MARCHF3: variants seen among roughly 807,000 people sequenced by gnomAD.
MARCHF3 encodes E3 ubiquitin-protein ligase MARCHF3.
MARCHF3 carries 13 observed loss-of-function variants against 24.2 expected under a neutral mutation model. The ratio of observed to expected loss-of-function variants is 0.54; its 90% CI spans 0.35 to 0.85. The LOEUF (loss-of-function observed/expected upper bound fraction) is 0.85. Among genes scored for constraint, MARCHF3 ranks in the 40% least tolerant of loss-of-function variants. MARCHF3 has a pLI of 0.01. For synonymous variants in MARCHF3, 144 were observed against 137.3 expected (o/e 1.05, Z -0.34); for missense variants, 276 against 325.0 (o/e 0.85, Z 1.16).
In MARCHF3 at chr5:126,878,356, A is replaced by G; in HGVS notation, c.432T>C (p.Thr144=). Residue 144 remains threonine, a synonymous_variant, in exon 4 of 5, where the codon ACT becomes ACC. Coordinates refer to ENST00000308660, the MANE Select transcript of MARCHF3 (RefSeq NM_178450.5). ...RNPGPQHEKR[T]LFGDMVCFLF... ...AGAAGCACACCATGTCGCCAAACAG[A>G]GTCCGCTTCTCATGCTGGGGGCCAG... The G allele has an allele frequency of 6.2e-7, 1 of 1,614,128 alleles. No individual in the cohort carries two copies. The highest frequency in any genetic ancestry group is 8.5e-7 in the Non-Finnish European group (1 of 1,179,982).
chr5:126,903,145 T>C (rs1351682139), intron 3 of MARCHF3, among the ~76,000 whole-genome samples: 1 of 151,974 alleles, frequency 6.6e-6, no homozygotes, highest in Admixed American at 6.6e-5. Context: ...GATGAGGTGT[T>C]GGTAGAAAGA....
chr5:126,974,389 CCA>C (rs1751123541), intron 1 of MARCHF3, among the ~76,000 whole-genome samples: 1 of 152,194 alleles, frequency 6.6e-6, no homozygotes, highest in Non-Finnish European at 1.5e-5. Flanking sequence ...AGAAGCCTCC[CCA>C]GTGTGTCCTA....
In MARCHF3 at chr5:126,894,906, T is replaced by C. The variant is rs1455587041; in HGVS notation, c.394-16512A>G. The stretch of plus-strand genomic sequence containing the variant: ...CCTGGATAATATCCTGCAGAGTGTT[T>C]TCCAACTTGGTTCCATTCTCCCCAT... On this transcript the variant is annotated intron_variant, in intron 3 of 4. Transcript: ENST00000308660. Among the ~76,000 whole-genome samples, 25 of 152,066 alleles carry C rather than the reference T, an allele frequency of 1.6e-4. No homozygotes were observed. In the East Asian group the frequency reaches 4.8e-3, roughly 29 times the overall value.
chr5:126,924,911 G>A (rs977545335), intron 1 of MARCHF3, among the ~76,000 whole-genome samples: 3 of 152,132 alleles, frequency 2.0e-5, no homozygotes, highest in African/African-American at 7.2e-5. Flanking sequence ...TTTCTTTTCT[G>A]GATGCTTCAC....
At chr5:126,954,720 A>G (rs574450433) in intron 1 of MARCHF3, among the ~76,000 whole-genome samples, 5 of 149,234 alleles carry the variant, frequency 3.4e-5, no homozygotes, top group African/African-American at 1.2e-4. Flanking sequence ...GAGCGCACTC[A>G]TGCATTTACA....
At chr5:126,883,283 C>G (rs1045304189) in intron 3 of MARCHF3, among the ~76,000 whole-genome samples, 1 of 152,164 alleles carries the variant, frequency 6.6e-6, no homozygotes, top group Non-Finnish European at 1.5e-5. Context: ...TGGATCCACT[C>G]ATATGGCTGC....
At chr5:126,901,125 TCTG>T (rs1356465587) in intron 3 of MARCHF3, among the ~76,000 whole-genome samples, 1 of 152,106 alleles carries the variant, frequency 6.6e-6, no homozygotes, top group Non-Finnish European at 1.5e-5. Context: ...TACGATAATA[TCTG>T]CTATGAGAAG....
In MARCHF3 at chr5:126,973,006, G is replaced by A. The variant is rs564187259; in HGVS notation, c.-56-54779C>T. ...ATATTCTTTCTCTTTGCCTTTGTTC[G>A]TAGTCTCATTTCCACTTTTACTTAA... On this transcript the variant is annotated intron_variant, in intron 1 of 4. Transcript: ENST00000308660. 4.6e-5 allele frequency among the ~76,000 whole-genome samples: 7 copies of A among 152,230 alleles called. No individual in the cohort carries two copies. In the South Asian group the frequency reaches 6.2e-4, roughly 14 times the overall value.
At chr5:126,896,082 TC>T (rs985806482) in intron 3 of MARCHF3, among the ~76,000 whole-genome samples, 13 of 152,288 alleles carry the variant, frequency 8.5e-5, no homozygotes, top group Non-Finnish European at 1.5e-4. Context: ...CCAGGTGCCG[TC>T]CGTCACCCCT....
chr5:126,889,807 C>T (rs893298799), intron 3 of MARCHF3, among the ~76,000 whole-genome samples: 1 of 152,154 alleles, frequency 6.6e-6, no homozygotes, highest in Non-Finnish European at 1.5e-5. Flanking sequence ...AGTTCATGCA[C>T]CACGATGGAG....
At chr5:126,998,591 C>T (rs764453258) in intron 1 of MARCHF3, among the ~76,000 whole-genome samples, 4 of 152,152 alleles carry the variant, frequency 2.6e-5, no homozygotes, top group Admixed American at 2.0e-4. Context: ...CTCACACTCA[C>T]GCTGGGGAGA....
chr5:126,931,787 A>G (rs774409628), intron 1 of MARCHF3, among the ~76,000 whole-genome samples: 2 of 152,228 alleles, frequency 1.3e-5, no homozygotes, highest in Non-Finnish European at 2.9e-5. Context: ...CAACTGGACT[A>G]GAGTAGAAGC....
chr5:126,998,646 A>G (rs73337285), intron 1 of MARCHF3, among the ~76,000 whole-genome samples: 1,992 of 152,286 alleles, frequency 0.013, 41 homozygotes, highest in African/African-American at 0.043. Context: ...GCAGGGTAAG[A>G]AGGAGGCCAC....
rs1353259925 is a variant in MARCHF3 at position 126,874,462 on chromosome 5, T to C, written c.604-3671A>G. Reference sequence around the variant, plus strand: ...TTAGCTGGGCGTGGTGGCACATGCCTGTAATCCCAGCTACTTGGGAGGCTG... The same window carrying C: ...TTAGCTGGGCGTGGTGGCACATGCCCGTAATCCCAGCTACTTGGGAGGCTG... On this transcript the variant is annotated intron_variant, in intron 4 of 4. Transcript: ENST00000308660. Among the ~76,000 whole-genome samples, 3 of 152,084 alleles carry C rather than the reference T, an allele frequency of 2.0e-5. No homozygotes were observed. The South Asian group carries it at 6.2e-4, about 32-fold the overall frequency.
At position 126,869,836 on chromosome 5, in the gene MARCHF3, AAG is replaced by A. The variant is rs1193551338; in HGVS notation, c.*795_*796del. ...ACTTCACAGGTTTTATCATTAAAAAAAGAGTATTGCAATCAGTGGGTTTTGTC... is the reference window on the plus strand; with the variant it reads ...ACTTCACAGGTTTTATCATTAAAAAAAGTATTGCAATCAGTGGGTTTTGTC... On this transcript the variant is annotated 3_prime_UTR_variant, in exon 5 of 5. Transcript: ENST00000308660. 3 of 152,536 alleles carry A rather than the reference AAG, an allele frequency of 2.0e-5. No homozygotes were observed. The highest frequency in any genetic ancestry group is 1.3e-4 in the Admixed American group (2 of 15,278). 9.4% of individuals were successfully genotyped at this position (152,536 alleles called of 1,614,324 possible).
chr5:126,943,786 AC>A (rs1749912635), intron 1 of MARCHF3, among the ~76,000 whole-genome samples: 2 of 151,866 alleles, frequency 1.3e-5, no homozygotes, highest in South Asian at 4.2e-4. Flanking sequence ...AATTATTTGA[AC>A]CCTGGCATCA....
At chr5:126,932,210 C>G (rs1363815817) in intron 1 of MARCHF3, among the ~76,000 whole-genome samples, 1 of 152,238 alleles carries the variant, frequency 6.6e-6, no homozygotes, top group Non-Finnish European at 1.5e-5. Flanking sequence ...AGTGGAGAAG[C>G]AGAAACAAAG....
intron 4 of MARCHF3, among the ~76,000 whole-genome samples, chr5:126,873,566 G>C (rs1034191249): frequency 6.6e-6 from 1 of 152,146 alleles, no homozygotes; most frequent in Non-Finnish European, 1.5e-5. Context: ...ATGAGAGAGT[G>C]CATTTTAACA....
intron 1 of MARCHF3, among the ~76,000 whole-genome samples, chr5:126,955,091 T>C (rs936601242): frequency 3.9e-5 from 6 of 152,244 alleles, no homozygotes; most frequent in East Asian, 1.9e-4. Context: ...TGTTGATACA[T>C]ATGGATCTAA....
Sources: allele counts gnomAD v4.1 joint callset (sites outside exome capture counted in the v4.1 genomes callset), GRCh38; gene constraint gnomAD v4.1.1; transcripts MANE v1.5; gene names NCBI Gene and HGNC (gene_info 2026-07-23, HGNC 2026-07-21).